Variants in ASXL3 observed in about 807,000 individuals in gnomAD.
ASXL3 encodes the protein putative Polycomb group protein ASXL3.
ASXL3 carries 34 observed loss-of-function variants against 170.6 expected under a neutral mutation model. The observed-to-expected ratio is 0.20, with a 90% confidence interval of 0.15 to 0.27. The LOEUF is 0.27. ASXL3 is among the 10% of genes least tolerant of loss of function. The probability of loss-of-function intolerance (pLI) is 1.00; values close to 1 mark genes in which losing one functional copy is unlikely to be tolerated. For synonymous variants in ASXL3, 1,002 were observed against 989.1 expected, an observed-to-expected ratio of 1.01 and a Z score of -0.24; for missense variants, 2,592 against 2,695.3, an observed-to-expected ratio of 0.96 and a Z score of 0.85.
Position 33,743,786 on chromosome 18 carries a change from G to T in ASXL3, c.3938G>T (p.Ser1313Ile). 1.9e-6 allele frequency: 3 copies of T among 1,613,964 alleles called. No homozygotes were observed. The highest frequency in any genetic ancestry group is 2.5e-6 in the Non-Finnish European group (3 of 1,179,892). Residue 1313 changes from serine (S) to isoleucine (I), a missense_variant, in exon 12 of 12, where the codon AGC (serine) becomes ATC (isoleucine). Around this residue, in one of 4 missense-constraint regions of ASXL3, gnomAD observed 2,246 missense variants for 2,219.6 expected, o/e 1.01. Transcript: ENST00000269197. ...ATTTCAGCCACTACAGAGGGCTCCA[G>T]CATATCAAGCTCCATGGATGATAAG... ...TPISATTEGSSISSSMDDKQL... is the reference protein window; with the variant it reads ...TPISATTEGSIISSSMDDKQL...
chr18:33,722,684 G>A (rs1039310034), intron 8 of ASXL3, among the ~76,000 whole-genome samples: 1 of 152,172 alleles, frequency 6.6e-6, no homozygotes. Context: ...GCCACAGCAA[G>A]TTATTCAGAA....
chr18:33,596,962 G>C (rs2065133004), intron 1 of ASXL3, among the ~76,000 whole-genome samples: 1 of 152,012 alleles, frequency 6.6e-6, no homozygotes, highest in Admixed American at 6.6e-5. Flanking sequence ...ACTAGCACGT[G>C]CCACCACGCT....
At chr18:33,714,823 C>A (rs1201077747) in intron 8 of ASXL3, among the ~76,000 whole-genome samples, 1 of 152,092 alleles carries the variant, frequency 6.6e-6, no homozygotes, top group Non-Finnish European at 1.5e-5. Flanking sequence ...TCCTCTATTT[C>A]TTTTTGTTTA....
chr18:33,723,363 T>G (rs752209327), intron 8 of ASXL3, among the ~76,000 whole-genome samples: 4 of 152,108 alleles, frequency 2.6e-5, no homozygotes, highest in Non-Finnish European at 4.4e-5. Context: ...AATAGCAACA[T>G]TAACAGGACT....
rs372776497 is a variant in ASXL3, at chr18:33,661,696, G to C, written c.436G>C (p.Val146Leu). ...TAACACAGCAGTGCAAAGCAAGTTA[G>C]TGTCTTCCTTCCAGCAGCACACCAA... ...LTNTAVQSKL[V>L]SSFQQHTKKA... is the part of the protein sequence containing the mutation. Residue 146 changes from valine (V) to leucine (L), a missense_variant, in exon 5 of 12, where the codon GTG (valine) becomes CTG (leucine). Val to Leu is a conservative substitution (Grantham distance 32). Transcript: ENST00000269197. 6.2e-7 allele frequency: 1 copy of C among 1,612,936 alleles called. No homozygotes were observed. The highest frequency in any genetic ancestry group is 8.5e-7 in the Non-Finnish European group (1 of 1,179,436).
At chr18:33,603,434 C>T (rs901588927) in intron 1 of ASXL3, among the ~76,000 whole-genome samples, 1 of 151,780 alleles carries the variant, frequency 6.6e-6, no homozygotes, top group African/African-American at 2.4e-5. Flanking sequence ...TTTTTTCTCC[C>T]CATACTAGGA....
Position 33,737,564 on chromosome 18 carries a change from A to G in ASXL3, c.1083-923A>G, listed in dbSNP as rs114259158. 8.4e-3 allele frequency among the ~76,000 whole-genome samples: 1,286 copies of G among 152,228 alleles called. 13 individuals carry two copies. Among genetic ancestry groups the G allele is most frequent in the African/African-American group, 0.03 (1,239 of 41,550 alleles). On this transcript the variant is annotated intron_variant, in intron 10 of 11. Coordinates refer to ENST00000269197, the MANE Select transcript of ASXL3 (RefSeq NM_030632.3). ...CCTTAAGACCTGAACATCATGCTCAATTATTTCTTGATTTTCTGTACCTAT... is the reference window on the plus strand; with the variant it reads ...CCTTAAGACCTGAACATCATGCTCAGTTATTTCTTGATTTTCTGTACCTAT...
chr18:33,708,227 T>A (rs1272877807), intron 8 of ASXL3, among the ~76,000 whole-genome samples: 1 of 152,192 alleles, frequency 6.6e-6, no homozygotes, highest in Non-Finnish European at 1.5e-5. Context: ...CTCGTAAAGT[T>A]AGCTAGACTA....
At chr18:33,679,742 A>C (rs2066484720) in intron 7 of ASXL3, among the ~76,000 whole-genome samples, 1 of 152,096 alleles carries the variant, frequency 6.6e-6, no homozygotes, top group African/African-American at 2.4e-5. Flanking sequence ...TTAAATTTGG[A>C]AATGTATAAA....
At chr18:33,685,594 A>G (rs1462246916) in intron 8 of ASXL3, among the ~76,000 whole-genome samples, 1 of 152,204 alleles carries the variant, frequency 6.6e-6, no homozygotes, top group Non-Finnish European at 1.5e-5. Flanking sequence ...GCATTGCTAT[A>G]AAGAAATGCC....
chr18:33,670,448 G>A (rs942659645), intron 5 of ASXL3, among the ~76,000 whole-genome samples: 1 of 152,122 alleles, frequency 6.6e-6, no homozygotes, highest in Non-Finnish European at 1.5e-5. Context: ...GAATTATACC[G>A]AAAATGGTCT....
At chr18:33,609,337 G>A (rs921345720) in intron 2 of ASXL3, among the ~76,000 whole-genome samples, 15 of 151,990 alleles carry the variant, frequency 9.9e-5, no homozygotes, top group African/African-American at 3.4e-4. Context: ...TGCCAACTTG[G>A]ACATAAAAAG....
chr18:33,665,312 A>G (rs758156654), intron 5 of ASXL3, among the ~76,000 whole-genome samples: 2 of 152,130 alleles, frequency 1.3e-5, no homozygotes, highest in Admixed American at 1.3e-4. Context: ...TGCAAAGCAG[A>G]TCTATTCTTG....
chr18:33,646,612 T>C (rs1250443194), intron 4 of ASXL3, among the ~76,000 whole-genome samples: 1 of 152,002 alleles, frequency 6.6e-6, no homozygotes, highest in Non-Finnish European at 1.5e-5. Flanking sequence ...AGTATCAACA[T>C]ATTTCTCCTG....
chr18:33,742,357 T>C lies in ASXL3; in HGVS notation c.3040-531T>C, dbSNP rs143088557. Among the ~76,000 whole-genome samples the C allele has an allele frequency of 6.8e-3, 1,037 of 152,264 alleles. 11 individuals are homozygous for C. The highest frequency in any genetic ancestry group is 0.024 in the African/African-American group (999 of 41,552). ...TAGAGTTCTTGGCTCAGAGAGATTA[T>C]TGGAGAAACTGAGGTACACAATGAT... On this transcript the variant is annotated intron_variant, in intron 11 of 11. Transcript: ENST00000269197.
At position 33,739,793 on chromosome 18, in the gene ASXL3, C is replaced by T. The variant is rs2067624120; in HGVS notation, c.2389C>T (p.Leu797Phe). Residue 797 changes from leucine to phenylalanine, a missense_variant, in exon 11 of 12, where the codon CTT (leucine) becomes TTT (phenylalanine). This residue lies in a region of ASXL3 where 2,246 missense variants were observed against 2,219.6 expected (regional missense o/e 1.01). Transcript: ENST00000269197. ...CACTGCCAAACCTCTGGGAGAGAAC[C>T]TTACCTCCCAGCAGAAGAATCTGTC... ...SATAKPLGEN[L>F]TSQQKNLSNT... The T allele has an allele frequency of 6.2e-7, 1 of 1,613,790 alleles. No individual in the cohort carries two copies. The highest frequency in any genetic ancestry group is 1.7e-5 in the Admixed American group (1 of 60,006).
At position 33,738,970 on chromosome 18, in the gene ASXL3, G is replaced by A; in HGVS notation, c.1566G>A (p.Lys522=). The change falls in exon 11 of 12, where the codon AAG becomes AAA. Residue 522 remains lysine (K), a synonymous_variant. Transcript: ENST00000269197. ...LPHIEVKIEG[K]SESPQEEMTV... is the part of the protein sequence containing the mutation. The stretch of plus-strand genomic sequence containing the variant: ...ATATTGAAGTTAAGATAGAAGGGAA[G>A]TCAGAATCACCCCAGGAAGAAATGA... 6.2e-7 allele frequency: 1 copy of A among 1,613,792 alleles called. No homozygotes were observed. The highest frequency in any genetic ancestry group is 8.5e-7 in the Non-Finnish European group (1 of 1,179,820).
At chr18:33,606,570 A>C (rs1219738884) in intron 1 of ASXL3, among the ~76,000 whole-genome samples, 6 of 151,982 alleles carry the variant, frequency 3.9e-5, no homozygotes. Flanking sequence ...TCAAGTTTAC[A>C]TTTTCAGAAT....
chr18:33,743,977 C>T lies in ASXL3; in HGVS notation c.4129C>T (p.Pro1377Ser). The T allele has an allele frequency of 6.2e-7, 1 of 1,614,010 alleles. No individual in the cohort carries two copies. The highest frequency in any genetic ancestry group is 8.5e-7 in the Non-Finnish European group (1 of 1,179,896). Residue 1377 changes from proline (P) to serine (S), a missense_variant, in exon 12 of 12, where the codon CCT (proline) becomes TCT (serine). Pro to Ser is a moderately conservative substitution (Grantham distance 74). This residue lies in a region of ASXL3 where 2,246 missense variants were observed against 2,219.6 expected (regional missense o/e 1.01). Coordinates refer to ENST00000269197, the MANE Select transcript of ASXL3 (RefSeq NM_030632.3). ...NRFPSEKIAI[P>S]GSEEQATVSM... The stretch of plus-strand genomic sequence containing the variant: ...ATTTCCTTCTGAGAAGATAGCCATA[C>T]CTGGGAGTGAAGAACAGGCCACTGT...
Sources: gnomAD v4.1 joint callset for allele counts (sites outside exome capture counted in the v4.1 genomes callset) on GRCh38, gnomAD v4.1.1 for gene constraint, gnomAD v4.1.1 regional missense constraint, MANE v1.5 for transcripts, NCBI Gene and HGNC (gene_info 2026-07-23, HGNC 2026-07-21) for gene names.